Variants in VWDE observed in about 807,000 individuals in gnomAD.
The protein encoded by VWDE is von Willebrand factor D and EGF domain-containing protein.
In VWDE, 207 loss-of-function variants were observed where a neutral mutation model predicts 178.4. The ratio of observed to expected loss-of-function variants is 1.16; its 90% CI spans 1.04 to 1.30. The LOEUF (loss-of-function observed/expected upper bound fraction) is 1.30. VWDE is among the 50% of genes most tolerant of loss of function. The pLI, the probability that VWDE is intolerant of heterozygous loss-of-function variation, is 0.00. For missense variants in VWDE, 2,287 were observed against 1,901.3 expected, an observed-to-expected ratio of 1.20 and a Z score of -3.77; for synonymous variants, 738 against 651.4, an observed-to-expected ratio of 1.13 and a Z score of -2.02.
intron 4 of VWDE, among the ~76,000 whole-genome samples, chr7:12,382,322 A>G (rs145808893): frequency 2.0e-4 from 30 of 151,982 alleles, no homozygotes; most frequent in African/African-American, 6.3e-4. Context: ...CAGAGTAGTC[A>G]AATAATTACA....
intron 24 of VWDE, among the ~76,000 whole-genome samples, chr7:12,339,650 G>A (rs1033189485): frequency 6.6e-6 from 1 of 152,012 alleles, no homozygotes; most frequent in Non-Finnish European, 1.5e-5. Context: ...TTAAATTATG[G>A]AAATACTCTG....
At chr7:12,335,654 A>T (rs56038003) in intron 27 of VWDE, among the ~76,000 whole-genome samples, 2,635 of 152,132 alleles carry the variant, frequency 0.017, 70 homozygotes, top group African/African-American at 0.061. Context: ...ACGGGGTTTC[A>T]CCGTGTTAGC....
At chr7:12,350,890 A>C (rs536979778) in intron 19 of VWDE, among the ~76,000 whole-genome samples, 2 of 152,274 alleles carry the variant, frequency 1.3e-5, no homozygotes, top group South Asian at 4.1e-4. Context: ...AAAGTAAATA[A>C]GAATAGCAGA....
At chr7:12,370,900 T>C (rs1431897338) in intron 10 of VWDE, 36 bp from the exon 11 acceptor site, 6 of 1,446,546 alleles carry the variant, frequency 4.1e-6, no homozygotes, top group East Asian at 5.1e-5. Flanking sequence ...ATAAAAGATG[T>C]TGAAGCAATA....
chr7:12,353,127 A>C (rs1283498166), intron 18 of VWDE, among the ~76,000 whole-genome samples: 1 of 152,158 alleles, frequency 6.6e-6, no homozygotes, highest in East Asian at 1.9e-4. Context: ...ACAGAATACC[A>C]CAGACTGCGG....
chr7:12,371,065 A>G (rs1220064562), intron 10 of VWDE, among the ~76,000 whole-genome samples: 14 of 152,084 alleles, frequency 9.2e-5, no homozygotes, highest in Admixed American at 9.2e-4. Context: ...CTGACCTGAA[A>G]TTTGATTACC....
At position 12,370,285 on chromosome 7, in the gene VWDE, G is replaced by T; in HGVS notation, c.2021C>A (p.Ser674Ter). 1 of 1,551,084 alleles carries T rather than the reference G, an allele frequency of 6.4e-7. No individual in the cohort carries two copies. The highest frequency in any genetic ancestry group is 1.2e-5 in the South Asian group (1 of 84,038). ...ELDVTSEYIN[S>*]DTLVREINKH... is the part of the protein sequence containing the mutation. ...GTTTATCTCTCTGACAAGAGTGTCTGAATTAATATATTCGGAGGTGACATC... is the reference window on the plus strand; with the variant it reads ...GTTTATCTCTCTGACAAGAGTGTCTTAATTAATATATTCGGAGGTGACATC... The change falls in exon 12 of 29, where the codon TCA (serine) becomes TAA (stop). Residue 674 changes from serine to a stop codon, truncating the protein, a stop_gained. Transcript: ENST00000275358. LOFTEE classifies it high-confidence loss of function.
chr7:12,403,582 A>C (rs954612047), intron 1 of VWDE, 77 bp downstream of exon 1: 1 of 1,403,456 alleles, frequency 7.1e-7, no homozygotes, highest in Admixed American at 2.5e-5. Flanking sequence ...CAAGTCGTCC[A>C]AAAAGTCTAG....
chr7:12,357,566 A>G (rs1782328290), intron 16 of VWDE, 51 bp from the exon 17 acceptor site: 8 of 1,536,518 alleles, frequency 5.2e-6, no homozygotes, highest in East Asian at 4.9e-5. Context: ...AAAGGAATGA[A>G]GTGTACTTCT....
intron 19 of VWDE, among the ~76,000 whole-genome samples, chr7:12,349,597 G>A (rs913512393): frequency 6.6e-6 from 1 of 151,146 alleles, no homozygotes; most frequent in Non-Finnish European, 1.5e-5. Flanking sequence ...AATAATTTAA[G>A]TACCTATTAT....
chr7:12,403,110 C>G (rs1784986439), intron 1 of VWDE, among the ~76,000 whole-genome samples: 1 of 152,162 alleles, frequency 6.6e-6, no homozygotes, highest in Non-Finnish European at 1.5e-5. Flanking sequence ...CCACAGAGAT[C>G]TCTTTTACAG....
intron 9 of VWDE, 144 bp downstream of exon 9, chr7:12,374,545 G>A: frequency 1.8e-6 from 1 of 541,978 alleles, no homozygotes; most frequent in Non-Finnish European, 3.2e-6. Flanking sequence ...AAATAAACTA[G>A]TATCTTGAAA....
intron 9 of VWDE, 75 bp from the exon 10 acceptor site, chr7:12,373,322 G>A (rs1388948759): frequency 2.1e-6 from 3 of 1,424,736 alleles, no homozygotes; most frequent in Non-Finnish European, 2.9e-6. Context: ...ATTTGCAACA[G>A]CTTTATGTAT....
In VWDE at chr7:12,340,413, C is replaced by A; in HGVS notation, c.4275G>T (p.Leu1425Phe). ...GWYGPTCSTA[L>F]CDPVCLNGGS... ...CACCATTGAGGCAGACAGGGTCGCA[C>A]AAAGCTAATAAACAGCAGGAGGAAA... The change falls in exon 24 of 29, where the codon TTG becomes TTT. Residue 1425 changes from leucine (L) to phenylalanine (F), a missense_variant. Leu to Phe is a conservative substitution (Grantham distance 22). Transcript: ENST00000275358. 6.5e-7 allele frequency: 1 copy of A among 1,549,984 alleles called. No individual in the cohort carries two copies. Among genetic ancestry groups the A allele is most frequent in the Non-Finnish European group, 8.7e-7 (1 of 1,146,156 alleles).
intron 18 of VWDE, among the ~76,000 whole-genome samples, 175 bp downstream of exon 18, chr7:12,355,936 C>A (rs1437735949): frequency 6.6e-6 from 1 of 152,104 alleles, no homozygotes; most frequent in African/African-American, 2.4e-5. Context: ...GTGCATGGAA[C>A]TTGCAATTTA....
At chr7:12,360,574 A>C (rs1407186993) in intron 15 of VWDE, among the ~76,000 whole-genome samples, 1 of 152,142 alleles carries the variant, frequency 6.6e-6, no homozygotes, top group Non-Finnish European at 1.5e-5. Context: ...TGAGGAGTCA[A>C]GTGTCTCTTA....
chr7:12,344,305 G>A lies in VWDE; in HGVS notation c.3983-15C>T. Reference sequence around the variant, plus strand: ...GTCACAAAGAGCTGTATAAAATAAAGCCCAAGTTTTAGACATATCAATTAC... The same window carrying A: ...GTCACAAAGAGCTGTATAAAATAAAACCCAAGTTTTAGACATATCAATTAC... On this transcript the variant is annotated splice_polypyrimidine_tract_variant and intron_variant, in intron 20 of 28. Transcript: ENST00000275358. The A allele has an allele frequency of 6.4e-7, 1 of 1,550,538 alleles. No homozygotes were observed. Among genetic ancestry groups the A allele is most frequent in the South Asian group, 1.2e-5 (1 of 84,000 alleles).
Position 12,359,650 on chromosome 7 carries a change from C to T in VWDE, c.3202G>A (p.Asp1068Asn). Reference sequence around the variant, plus strand: ...AAACAAGGGCTGGTTGGATTTTTGTCTCCTTCAACATAGCAGAGTCCATCA... The same window carrying T: ...AAACAAGGGCTGGTTGGATTTTTGTTTCCTTCAACATAGCAGAGTCCATCA... Reference protein sequence around the residue: ...IIDGLCYVEGDKNPTSPCLIC... With the variant: ...IIDGLCYVEGNKNPTSPCLIC... The change falls in exon 16 of 29, where the codon GAC becomes AAC. Residue 1068 changes from aspartate to asparagine, a missense_variant. Asp to Asn is a conservative substitution (Grantham distance 23). Coordinates refer to ENST00000275358, the MANE Select transcript of VWDE (RefSeq NM_001135924.3). The T allele has an allele frequency of 6.5e-7, 1 of 1,550,058 alleles. No homozygotes were observed. Among genetic ancestry groups the T allele is most frequent in the Non-Finnish European group, 8.7e-7 (1 of 1,146,166 alleles).
chr7:12,400,110 T>G (rs548481491), intron 1 of VWDE, among the ~76,000 whole-genome samples: 7 of 152,224 alleles, frequency 4.6e-5, no homozygotes, highest in African/African-American at 1.4e-4. Flanking sequence ...AATATGCCTA[T>G]AGTATAGGAG....
Sources: gnomAD v4.1 joint callset for allele counts (sites outside exome capture counted in the v4.1 genomes callset) on GRCh38, gnomAD v4.1.1 for gene constraint, MANE v1.5 for transcripts, NCBI Gene and HGNC (gene_info 2026-07-23, HGNC 2026-07-21) for gene names.